Variants in CTNNA2 observed in about 807,000 individuals in gnomAD.
The protein encoded by CTNNA2 is catenin alpha 2.
CTNNA2 carries 42 observed loss-of-function variants against 101.0 expected under a neutral mutation model. That is an observed-to-expected ratio of 0.42 (90% confidence interval 0.32 to 0.54). The LOEUF is 0.54. Among genes scored for constraint, CTNNA2 ranks in the 20% least tolerant of loss-of-function variants. The pLI is 0.14. For missense variants in CTNNA2, 871 were observed against 1,223.1 expected (o/e 0.71, Z 4.29); for synonymous variants, 450 against 456.4 (o/e 0.99, Z 0.18).
intron 6 of CTNNA2, among the ~76,000 whole-genome samples, chr2:79,897,848 GC>G (rs1360014546): frequency 6.6e-6 from 1 of 152,148 alleles, no homozygotes; most frequent in Non-Finnish European, 1.5e-5. Flanking sequence ...CCAAGATGGT[GC>G]CCTTCCCCTA....
At chr2:80,079,345 A>G (rs1698964033) in intron 7 of CTNNA2, among the ~76,000 whole-genome samples, 1 of 152,210 alleles carries the variant, frequency 6.6e-6, no homozygotes, top group African/African-American at 2.4e-5. Flanking sequence ...AGTGAAGAAG[A>G]AAGCTCACCC....
intron 7 of CTNNA2, among the ~76,000 whole-genome samples, chr2:79,937,919 G>A (rs1373667604): frequency 6.6e-6 from 1 of 152,182 alleles, no homozygotes; most frequent in Non-Finnish European, 1.5e-5. Context: ...CATTCCACAT[G>A]CCTTTCGAGA....
At chr2:79,257,447 G>A (rs548296500) in intron 2 of CTNNA2, among the ~76,000 whole-genome samples, 1 of 151,650 alleles carries the variant, frequency 6.6e-6, no homozygotes, top group East Asian at 1.9e-4. Context: ...TGTTGTAAGA[G>A]TGATAATGCC....
chr2:80,323,575 T>A (rs1678935544), intron 7 of CTNNA2, among the ~76,000 whole-genome samples: 1 of 152,156 alleles, frequency 6.6e-6, no homozygotes, highest in Admixed American at 6.5e-5. Context: ...TTATTGACCT[T>A]CTCTCTTGCC....
At chr2:80,142,693 TTTG>T (rs1181415586) in intron 7 of CTNNA2, among the ~76,000 whole-genome samples, 1 of 152,182 alleles carries the variant, frequency 6.6e-6, no homozygotes, top group Admixed American at 6.5e-5. Flanking sequence ...TCTGCTTTGT[TTTG>T]TTTGTTTTAG....
At chr2:80,080,594 A>G (rs1011425472) in intron 7 of CTNNA2, among the ~76,000 whole-genome samples, 1 of 152,198 alleles carries the variant, frequency 6.6e-6, no homozygotes, top group Non-Finnish European at 1.5e-5. Flanking sequence ...AGTATGATCC[A>G]TAAAGTGTGG....
chr2:79,837,126 T>C (rs577595048), intron 3 of CTNNA2, among the ~76,000 whole-genome samples: 2 of 152,326 alleles, frequency 1.3e-5, no homozygotes, highest in African/African-American at 4.8e-5. Context: ...GGAATATATA[T>C]GTATGTGCAG....
intron 2 of CTNNA2, among the ~76,000 whole-genome samples, chr2:79,302,562 G>T (rs1355401620): frequency 2.6e-5 from 4 of 152,146 alleles, no homozygotes; most frequent in Non-Finnish European, 5.9e-5. Context: ...TCTTAATGAA[G>T]ATTGAGGTAT....
At chr2:79,636,269 C>CAAAAAA (rs57739991) in intron 1 of CTNNA2, among the ~76,000 whole-genome samples, 7 of 67,254 alleles carry the variant, frequency 1.0e-4, no homozygotes, top group Non-Finnish European at 1.9e-4. Context: ...GACTCTGTCT[C>CAAAAAA]AAAAAAAAAA....
intron 4 of CTNNA2, among the ~76,000 whole-genome samples, chr2:79,410,187 T>G (rs1435965133): frequency 9.5e-5 from 14 of 146,980 alleles, no homozygotes; most frequent in South Asian, 2.3e-4. Context: ...CTTATCAGCT[T>G]AAGGAGATTT....
At chr2:79,638,002 C>G (rs527634183) in intron 1 of CTNNA2, among the ~76,000 whole-genome samples, 1 of 152,314 alleles carries the variant, frequency 6.6e-6, no homozygotes, top group East Asian at 1.9e-4. Flanking sequence ...TAGTGCCTTC[C>G]TCCATGACTG....
chr2:79,626,827 A>T (rs1679341209), intron 1 of CTNNA2, among the ~76,000 whole-genome samples: 1 of 152,034 alleles, frequency 6.6e-6, no homozygotes, highest in Admixed American at 6.6e-5. Context: ...GTGGTGGGTT[A>T]TCTTGGAGGG....
At chr2:79,290,363 C>T (rs6733622) in intron 2 of CTNNA2, among the ~76,000 whole-genome samples, 89,547 of 151,872 alleles carry the variant, frequency 0.59, 26,796 homozygotes, top group East Asian at 0.76. Context: ...GGGAGCGGGG[C>T]AGGGAAGTGC....
chr2:79,634,596 AT>A (rs1256395252), intron 1 of CTNNA2: 1 of 152,212 alleles, frequency 6.6e-6, no homozygotes, highest in Non-Finnish European at 1.5e-5. Flanking sequence ...GTAGAGTGAG[AT>A]TTATGGCACA....
chr2:80,492,921 C>T (rs1429981762), intron 9 of CTNNA2, among the ~76,000 whole-genome samples: 4 of 152,124 alleles, frequency 2.6e-5, no homozygotes, highest in Non-Finnish European at 5.9e-5. Context: ...AAATGTGGGA[C>T]CCCGAATTTC....
chr2:79,500,954 G>C (rs75065619), intron 4 of CTNNA2: 1 of 152,158 alleles, frequency 6.6e-6, no homozygotes, highest in Admixed American at 6.5e-5. Context: ...CCAAGAACTT[G>C]ATGAAGCAGC....
At chr2:79,559,702 A>G (rs1674656359) in intron 1 of CTNNA2, among the ~76,000 whole-genome samples, 1 of 151,918 alleles carries the variant, frequency 6.6e-6, no homozygotes, top group Non-Finnish European at 1.5e-5. Context: ...GTTGAACACT[A>G]GTAGTTCTAT....
At chr2:80,433,575 A>G (rs900688438) in intron 9 of CTNNA2, among the ~76,000 whole-genome samples, 1 of 152,032 alleles carries the variant, frequency 6.6e-6, no homozygotes. Flanking sequence ...GTTGGAGGAA[A>G]GTGGGAAAAG....
intron 1 of CTNNA2, among the ~76,000 whole-genome samples, chr2:79,647,885 T>A (rs1023372987): frequency 6.6e-6 from 1 of 152,226 alleles, no homozygotes; most frequent in Non-Finnish European, 1.5e-5. Flanking sequence ...GTGTGCTCCA[T>A]GTGTCCTTCT....
Sources: allele counts gnomAD v4.1 joint callset (sites outside exome capture counted in the v4.1 genomes callset), GRCh38; gene constraint gnomAD v4.1.1; transcripts MANE v1.5; gene names NCBI Gene and HGNC (gene_info 2026-07-23, HGNC 2026-07-21).